The following TMPO variants were observed in gnomAD, a reference collection of about 807,000 sequenced individuals.
TMPO encodes thymopoietin, also known as LEM domain containing 4.
Under a neutral mutation model 45.4 loss-of-function variants are expected in TMPO, and 22 were observed. The ratio of observed to expected loss-of-function variants is 0.48; its 90% CI spans 0.35 to 0.69. TMPO has a LOEUF of 0.69. Ranked by LOEUF, TMPO falls within the 30% of genes least tolerant of loss-of-function variation. The pLI is 0.01. For synonymous variants in TMPO, 241 were observed against 204.1 expected (o/e 1.18, Z -1.54); for missense variants, 512 against 548.8 (o/e 0.93, Z 0.67).
At position 98,546,385 on chromosome 12, in the gene TMPO, A is replaced by T; in HGVS notation, c.1017A>T (p.Arg339Ser). The T allele has an allele frequency of 6.2e-7, 1 of 1,612,898 alleles. No homozygotes were observed. Among genetic ancestry groups the T allele is most frequent in the Non-Finnish European group, 8.5e-7 (1 of 1,178,926 alleles). Residue 339 changes from arginine to serine, a missense_variant, in exon 8 of 9, where the codon AGA (arginine) becomes AGT (serine). By Grantham distance (110) the Arg-to-Ser change is moderately radical. This residue lies in a region of TMPO where 209 missense variants were observed against 235.1 expected (regional missense o/e 0.89). Transcript: ENST00000556029. Reference protein sequence around the residue: ...AEVGEKTEERRVERDILKEMF... With the variant: ...AEVGEKTEERSVERDILKEMF... ...TGGGAGAAAAAACAGAGGAAAGAAG[A>T]GTAGAAAGGGATATTCTTAAGGAAA...
At chr12:98,543,695 T>C (rs1337910283) in intron 4 of TMPO, among the ~76,000 whole-genome samples, 2 of 152,220 alleles carry the variant, frequency 1.3e-5, no homozygotes, top group Non-Finnish European at 2.9e-5. Flanking sequence ...AAGAAAAATT[T>C]GACACCTGAG....
Position 98,531,791 on chromosome 12 carries a change from G to T in TMPO, c.518G>T (p.Arg173Met). 1 of 1,613,840 alleles carries T rather than the reference G, an allele frequency of 6.2e-7. No homozygotes were observed. Among genetic ancestry groups the T allele is most frequent in the Non-Finnish European group, 8.5e-7 (1 of 1,179,912 alleles). The change falls in exon 3 of 9, where the codon AGG becomes ATG. Residue 173 changes from arginine to methionine, a missense_variant. Physicochemically the swap from Arg to Met is moderately conservative, Grantham distance 91 (BLOSUM62 -1). Transcript: ENST00000556029. ...ATTTCTTCTTCAGCAGAAAATACAA[G>T]GCAGAATGGAAGTAATGATTCTGAC... ...PTISSSAENT[R>M]QNGSNDSDRY...
chr12:98,538,189 GACTA>G (rs1257203028), intron 4 of TMPO, among the ~76,000 whole-genome samples: 18 of 152,190 alleles, frequency 1.2e-4, no homozygotes, highest in African/African-American at 4.1e-4. Flanking sequence ...ACAAATTATT[GACTA>G]ACCTAGTATT....
At chr12:98,541,389 G>A (rs1211520771) in intron 4 of TMPO, among the ~76,000 whole-genome samples, 1 of 152,054 alleles carries the variant, frequency 6.6e-6, no homozygotes, top group Non-Finnish European at 1.5e-5. Context: ...CTAATTTTGG[G>A]TTATGTTATA....
chr12:98,525,442 T>G (rs868668979), intron 1 of TMPO, among the ~76,000 whole-genome samples: 1 of 152,146 alleles, frequency 6.6e-6, no homozygotes, highest in Non-Finnish European at 1.5e-5. Flanking sequence ...ATATCTTGCT[T>G]TATTTGAAGT....
intron 3 of TMPO, chr12:98,534,617 T>G: frequency 8.2e-7 from 1 of 1,215,228 alleles, no homozygotes; most frequent in Non-Finnish European, 1.0e-6. Flanking sequence ...TTTACTTATG[T>G]TTTTACAATT....
At chr12:98,517,013 G>A (rs1361545839) in intron 1 of TMPO, among the ~76,000 whole-genome samples, 2 of 152,172 alleles carry the variant, frequency 1.3e-5, no homozygotes, top group Non-Finnish European at 2.9e-5. Flanking sequence ...GTTTCTCCAA[G>A]TTGGTCAGGC....
At chr12:98,544,167 A>G (rs1878080619) in intron 4 of TMPO, 63 bp from the exon 5 acceptor site, 7 of 1,555,728 alleles carry the variant, frequency 4.5e-6, no homozygotes, top group Admixed American at 1.7e-5. Context: ...GTGTGCCAGT[A>G]TGGCCGTTAT....
chr12:98,525,177 G>C (rs1433136970), intron 1 of TMPO, among the ~76,000 whole-genome samples: 2 of 152,106 alleles, frequency 1.3e-5, no homozygotes, highest in Non-Finnish European at 2.9e-5. Context: ...AGAACTCTTA[G>C]ACCCTAGGCA....
At position 98,533,370 on chromosome 12, in the gene TMPO, GCCACTTGC is replaced by G. The variant is rs745639054; in HGVS notation, c.565+1536_565+1543del. The G allele has an allele frequency of 3.1e-6, 5 of 1,614,064 alleles. No homozygotes were observed. In the East Asian group the frequency reaches 8.9e-5, roughly 29 times the overall value. On this transcript the variant is annotated intron_variant, in intron 3 of 8. Transcript: ENST00000556029. The stretch of plus-strand genomic sequence containing the variant: ...CTGAGAGCTCACAACTAATTTCTCC[GCCACTTGC>G]CCAGGCAATCAGAGATTATGTCAAT...
intron 4 of TMPO, 200 bp downstream of exon 4, chr12:98,537,772 T>G: frequency 1.5e-6 from 1 of 645,294 alleles, no homozygotes; most frequent in Non-Finnish European, 2.8e-6. Flanking sequence ...AAGCAAATTT[T>G]TAATGTCTCA....
intron 3 of TMPO, chr12:98,534,436 G>A: frequency 1.9e-6 from 3 of 1,583,842 alleles, no homozygotes; most frequent in Non-Finnish European, 8.5e-7. Flanking sequence ...TTCCAGATAG[G>A]GCTAATTACA....
chr12:98,530,447 A>G (rs1477494957), intron 2 of TMPO, among the ~76,000 whole-genome samples: 1 of 152,226 alleles, frequency 6.6e-6, no homozygotes, highest in Non-Finnish European at 1.5e-5. Context: ...AAGGCTATTT[A>G]TATAACATTT....
intron 1 of TMPO, among the ~76,000 whole-genome samples, chr12:98,517,390 G>C (rs1262166331): frequency 6.6e-6 from 1 of 152,194 alleles, no homozygotes; most frequent in Non-Finnish European, 1.5e-5. Context: ...GCTTCAAATC[G>C]TAATAGGATG....
At chr12:98,533,545 C>G in intron 3 of TMPO, 1 of 1,614,080 alleles carries the variant, frequency 6.2e-7, no homozygotes, top group Non-Finnish European at 8.5e-7. Context: ...AAGAAAAGTC[C>G]CTAGACTGAG....
At chr12:98,516,585 T>G (rs1425679030) in intron 1 of TMPO, 4 of 977,580 alleles carry the variant, frequency 4.1e-6, no homozygotes, top group Non-Finnish European at 2.4e-6. Context: ...GAGCGCTCCC[T>G]GGAGGGCAAC....
chr12:98,518,372 G>A (rs897506038), intron 1 of TMPO, among the ~76,000 whole-genome samples: 24 of 151,616 alleles, frequency 1.6e-4, no homozygotes, highest in African/African-American at 5.1e-4. Context: ...GCTTACTGCA[G>A]CCTCAAACTC....
chr12:98,545,114 TA>T lies in TMPO; in HGVS notation c.990+54del, dbSNP rs1475692731. 6.1e-5 allele frequency: 71 copies of T among 1,162,710 alleles called. No homozygotes were observed. In the African/African-American group the frequency reaches 1.0e-3, roughly 17 times the overall value. 72.0% of individuals were successfully genotyped at this position (1,162,710 alleles called of 1,614,324 possible). Reference sequence around the variant, plus strand: ...TATCATTGATCTTTCAAAGAGGAAATATAAATATTTGTTTGTTTTTTTTTTT... The same window carrying T: ...TATCATTGATCTTTCAAAGAGGAAATTAAATATTTGTTTGTTTTTTTTTTT... On this transcript the variant is annotated intron_variant, in intron 7 of 8. Coordinates refer to ENST00000556029, the MANE Select transcript of TMPO (RefSeq NM_001032283.3).
intron 7 of TMPO, among the ~76,000 whole-genome samples, chr12:98,545,758 A>T (rs1878193431): frequency 6.6e-6 from 1 of 151,180 alleles, no homozygotes; most frequent in African/African-American, 2.4e-5. Flanking sequence ...TTTGAAACGG[A>T]GTCTTGCTCT....
Sources: gnomAD v4.1 joint callset for allele counts (sites outside exome capture counted in the v4.1 genomes callset) on GRCh38, gnomAD v4.1.1 for gene constraint, gnomAD v4.1.1 regional missense constraint, MANE v1.5 for transcripts, NCBI Gene and HGNC (gene_info 2026-07-23, HGNC 2026-07-21) for gene names.